The following CHSY3 variants were observed in gnomAD, a reference collection of about 807,000 sequenced individuals.
CHSY3 encodes N-acetylgalactosaminyl-proteoglycan 3-beta-glucuronosyltransferase 3.
In CHSY3, 35 loss-of-function variants were observed where a neutral mutation model predicts 67.2. That is an observed-to-expected ratio of 0.52 (90% confidence interval 0.40 to 0.69). CHSY3 has a LOEUF of 0.69. Ranked by LOEUF, CHSY3 falls within the 30% of genes least tolerant of loss-of-function variation. The probability of loss-of-function intolerance (pLI) is 0.00; values close to 1 mark genes in which losing one functional copy is unlikely to be tolerated. For synonymous variants in CHSY3, 474 were observed against 434.7 expected (o/e 1.09, Z -1.12); for missense variants, 1,069 against 1,138.5 (o/e 0.94, Z 0.88).
intron 2 of CHSY3, among the ~76,000 whole-genome samples, chr5:130,088,460 T>G (rs1222285285): frequency 6.6e-6 from 1 of 151,706 alleles, no homozygotes. Flanking sequence ...GGGAGAAAAT[T>G]TTTGCAACCT....
At chr5:130,043,230 G>T (rs190838720) in intron 2 of CHSY3, among the ~76,000 whole-genome samples, 1 of 151,528 alleles carries the variant, frequency 6.6e-6, no homozygotes, top group Non-Finnish European at 1.5e-5. Flanking sequence ...GAAATTTATT[G>T]TCAAATACAT....
At chr5:130,139,916 A>T (rs1768800605) in intron 2 of CHSY3, 1 of 152,362 alleles carries the variant, frequency 6.6e-6, no homozygotes, top group Non-Finnish European at 1.5e-5. Flanking sequence ...AGTCAAGTAC[A>T]CTGACGGAAT....
At position 130,080,037 on chromosome 5, in the gene CHSY3, T is replaced by TACACACACAC. The variant is rs35994744; in HGVS notation, c.1087-104168_1087-104159dup. Among the ~76,000 whole-genome samples the TACACACACAC allele has an allele frequency of 1.4e-3, 195 of 143,418 alleles. 1 individual carries two copies. The highest frequency in any genetic ancestry group is 3.6e-3 in the South Asian group (16 of 4,412). The allele number at this position is 143,418 out of a possible 152,430, so 94.1% of individuals were successfully genotyped here. A position where few individuals can be genotyped will look rare whatever the true frequency, so the allele number is the denominator to read the frequency against. On this transcript the variant is annotated intron_variant, in intron 2 of 2. Transcript: ENST00000305031. The stretch of plus-strand genomic sequence containing the variant: ...AGCCCTTCAGAAATACACCTGAACA[T>TACACACACAC]ACACACACACACACACACACACACA...
At chr5:130,040,038 A>G (rs552961344) in intron 2 of CHSY3, among the ~76,000 whole-genome samples, 4 of 152,176 alleles carry the variant, frequency 2.6e-5, no homozygotes, top group Non-Finnish European at 5.9e-5. Flanking sequence ...TTCCATGGGG[A>G]ACGTGAAGGG....
At chr5:129,960,592 G>C (rs1762302160) in intron 2 of CHSY3, among the ~76,000 whole-genome samples, 1 of 151,878 alleles carries the variant, frequency 6.6e-6, no homozygotes, top group African/African-American at 2.4e-5. Flanking sequence ...CTCCAACTTT[G>C]ATTTTAATTA....
intron 2 of CHSY3, among the ~76,000 whole-genome samples, chr5:130,030,256 T>C (rs1734367116): frequency 6.6e-6 from 1 of 152,296 alleles, no homozygotes; most frequent in South Asian, 2.1e-4. Flanking sequence ...TCTGGTTATA[T>C]GATGTTTTGC....
chr5:130,143,370 G>A (rs1372832320), intron 2 of CHSY3, among the ~76,000 whole-genome samples: 4 of 152,020 alleles, frequency 2.6e-5, no homozygotes, highest in Non-Finnish European at 5.9e-5. Context: ...AGCCCACTAA[G>A]GGACCAGAGT....
intron 2 of CHSY3, among the ~76,000 whole-genome samples, chr5:130,111,297 A>G (rs77694757): frequency 0.016 from 2,475 of 152,162 alleles, 75 homozygotes; most frequent in African/African-American, 0.054. Flanking sequence ...TTGAAGTATC[A>G]CCTCTTTAAT....
Position 130,138,887 on chromosome 5 carries a change from G to T in CHSY3, c.1087-45342G>T, listed in dbSNP as rs1378542235. ...ATAGTCATGTGTCCCTTAAGTGAAT[G>T]CATCATTCTGAGAATATGTTCTGAG... is the stretch of plus-strand genomic sequence containing the variant. On this transcript the variant is annotated intron_variant, in intron 2 of 2. Transcript: ENST00000305031. 3.3e-5 allele frequency among the ~76,000 whole-genome samples: 5 copies of T among 152,138 alleles called. No homozygotes were observed. The East Asian group carries it at 9.6e-4, about 29-fold the overall frequency.
chr5:130,169,478 T>G (rs1321905039), intron 2 of CHSY3, among the ~76,000 whole-genome samples: 1 of 152,082 alleles, frequency 6.6e-6, no homozygotes, highest in African/African-American at 2.4e-5. Context: ...TGATGATCAC[T>G]GGAAATTATC....
chr5:130,027,259 C>T (rs1342302762), intron 2 of CHSY3, among the ~76,000 whole-genome samples: 2 of 152,022 alleles, frequency 1.3e-5, no homozygotes, highest in African/African-American at 4.8e-5. Context: ...CATTTGATAT[C>T]TAGAAATGCC....
At position 129,905,251 on chromosome 5, in the gene CHSY3, C is replaced by G; in HGVS notation, c.422C>G (p.Ala141Gly). The G allele has an allele frequency of 2.1e-6, 3 of 1,457,994 alleles. No homozygotes were observed. Among genetic ancestry groups the G allele is most frequent in the Non-Finnish European group, 2.7e-6 (3 of 1,107,726 alleles). The allele number at this position is 1,457,994 out of a possible 1,614,324, so 90.3% of individuals were successfully genotyped here. Residue 141 changes from alanine to glycine, a missense_variant, in exon 1 of 3, where the codon GCG becomes GGG. Ala to Gly is a moderately conservative substitution (Grantham distance 60). Around this residue, in one of 5 missense-constraint regions of CHSY3, gnomAD observed 309 missense variants for 262.5 expected, o/e 1.18. Transcript: ENST00000305031. The part of the protein sequence containing the change: ...EGEPEEEDGG[A>G]AGQRRDGRPG... The stretch of plus-strand genomic sequence containing the variant: ...GAGCCCGAGGAGGAGGACGGGGGCG[C>G]GGCTGGGCAGCGGAGAGACGGCCGG...
chr5:130,051,434 A>G (rs1765353455), intron 2 of CHSY3, among the ~76,000 whole-genome samples: 2 of 152,114 alleles, frequency 1.3e-5, no homozygotes, highest in African/African-American at 4.8e-5. Flanking sequence ...AAAGAAAAAC[A>G]TGTTTTTTAG....
intron 2 of CHSY3, among the ~76,000 whole-genome samples, chr5:130,183,361 G>T (rs1770307161): frequency 6.6e-6 from 1 of 152,100 alleles, no homozygotes; most frequent in East Asian, 1.9e-4. Context: ...TTTACATCAG[G>T]AGTGTAGATC....
chr5:130,111,766 T>C (rs1312159185), intron 2 of CHSY3, among the ~76,000 whole-genome samples: 1 of 152,126 alleles, frequency 6.6e-6, no homozygotes, highest in Non-Finnish European at 1.5e-5. Flanking sequence ...TAAAGTGATT[T>C]TTTTTTTCAG....
chr5:130,017,245 A>G (rs1486483462), intron 2 of CHSY3, among the ~76,000 whole-genome samples: 3 of 151,454 alleles, frequency 2.0e-5, no homozygotes, highest in Admixed American at 6.6e-5. Flanking sequence ...GTTCGAGTGT[A>G]TGGTTAGTGT....
chr5:129,986,699 G>A (rs368921851), intron 2 of CHSY3, among the ~76,000 whole-genome samples: 2 of 152,062 alleles, frequency 1.3e-5, no homozygotes, highest in East Asian at 3.9e-4. Flanking sequence ...CTAGAGTACA[G>A]CGGCATGTTC....
At chr5:130,015,915 A>C (rs1479695347) in intron 2 of CHSY3, among the ~76,000 whole-genome samples, 1 of 152,218 alleles carries the variant, frequency 6.6e-6, no homozygotes, top group Non-Finnish European at 1.5e-5. Context: ...AAAATGAATG[A>C]AATCATGTCC....
At chr5:130,115,362 A>G (rs765512497) in intron 2 of CHSY3, among the ~76,000 whole-genome samples, 14 of 152,174 alleles carry the variant, frequency 9.2e-5, no homozygotes, top group Admixed American at 2.6e-4. Flanking sequence ...GTCACTTCAA[A>G]GCAAGGCATA....
Sources: allele counts gnomAD v4.1 joint callset (sites outside exome capture counted in the v4.1 genomes callset), GRCh38; gene constraint gnomAD v4.1.1; regional missense constraint gnomAD v4.1.1; transcripts MANE v1.5; gene names NCBI Gene and HGNC (gene_info 2026-07-23, HGNC 2026-07-21).